BRD1: variants seen among roughly 807,000 people sequenced by gnomAD.
The protein encoded by BRD1 is bromodomain containing 1.
BRD1 carries 24 observed loss-of-function variants against 107.7 expected under a neutral mutation model. The ratio of observed to expected loss-of-function variants is 0.22; its 90% CI spans 0.16 to 0.31. The LOEUF is 0.31. Ranked by LOEUF, BRD1 falls within the 10% of genes least tolerant of loss-of-function variation. The probability of loss-of-function intolerance (pLI) is 1.00; values close to 1 mark genes in which losing one functional copy is unlikely to be tolerated. For missense variants in BRD1, 1,279 were observed against 1,638.6 expected (o/e 0.78, Z 3.79); for synonymous variants, 744 against 686.1 (o/e 1.08, Z -1.32).
chr22:49,798,822 T>C (rs2059585841), intron 4 of BRD1, 136 bp from the exon 5 acceptor site: 2 of 1,432,464 alleles, frequency 1.4e-6, no homozygotes, highest in Non-Finnish European at 1.8e-6. Context: ...AGCCTCCACT[T>C]AGGGCTCTGC....
At chr22:49,820,335 G>A (rs1000244750) in intron 2 of BRD1, among the ~76,000 whole-genome samples, 1 of 152,164 alleles carries the variant, frequency 6.6e-6, no homozygotes, top group African/African-American at 2.4e-5. Context: ...CTGGCCTGAA[G>A]CATAACATCC....
At chr22:49,826,637 A>G (rs1320822611) in intron 1 of BRD1, among the ~76,000 whole-genome samples, 2 of 152,226 alleles carry the variant, frequency 1.3e-5, no homozygotes, top group Admixed American at 6.5e-5. Flanking sequence ...TCAAGGCCAC[A>G]GGGGCCGCGG....
intron 6 of BRD1, among the ~76,000 whole-genome samples, chr22:49,795,324 G>A (rs2059510471): frequency 6.6e-6 from 1 of 152,230 alleles, no homozygotes. Context: ...GCCGTGCTGA[G>A]AAGAGCAGCA....
intron 3 of BRD1, among the ~76,000 whole-genome samples, chr22:49,800,809 G>C (rs2059626721): frequency 6.6e-6 from 1 of 152,258 alleles, no homozygotes; most frequent in Non-Finnish European, 1.5e-5. Context: ...AAGGACAGAA[G>C]TGAAGAAGCA....
rs145026874 is a variant in BRD1 at position 49,799,954 on chromosome 22, A to G, written c.1525-835T>C. 7.2e-3 allele frequency among the ~76,000 whole-genome samples: 1,090 copies of G among 152,280 alleles called. 13 individuals are homozygous for G. Among genetic ancestry groups the G allele is most frequent in the African/African-American group, 0.025 (1,040 of 41,562 alleles). On this transcript the variant is annotated intron_variant, in intron 3 of 12. Coordinates refer to ENST00000404760, the MANE Select transcript of BRD1 (RefSeq NM_001304808.3). Reference sequence around the variant, plus strand: ...CTACCTCAAAGGGGAGAGGAAGTCAACGAGGGAGTTGGCCTGAGTGGGCCC... The same window carrying G: ...CTACCTCAAAGGGGAGAGGAAGTCAGCGAGGGAGTTGGCCTGAGTGGGCCC...
chr22:49,776,164 G>C lies in BRD1; in HGVS notation c.3122-5C>G. Reference sequence around the variant, plus strand: ...ACATGCTGCTCTGGCCGACTTCTGCGGAGAGGGGCGTCAGCAGGACACAGG... The same window carrying C: ...ACATGCTGCTCTGGCCGACTTCTGCCGAGAGGGGCGTCAGCAGGACACAGG... On this transcript the variant is annotated splice_polypyrimidine_tract_variant and splice_region_variant and intron_variant, in intron 10 of 12. Coordinates refer to ENST00000404760, the MANE Select transcript of BRD1 (RefSeq NM_001304808.3). The C allele has an allele frequency of 6.2e-7, 1 of 1,602,326 alleles. No homozygotes were observed.
intron 8 of BRD1, among the ~76,000 whole-genome samples, chr22:49,780,115 C>T (rs1003749333): frequency 6.6e-6 from 1 of 152,150 alleles, no homozygotes; most frequent in Non-Finnish European, 1.5e-5. Flanking sequence ...GCGGCCTTCA[C>T]AAGACTGCCC....
intron 2 of BRD1, chr22:49,818,220 G>C (rs578111241): frequency 2.2e-5 from 26 of 1,190,038 alleles, no homozygotes; most frequent in Non-Finnish European, 2.5e-5. Context: ...ACAAAGCCTT[G>C]CCTATCTGAG....
chr22:49,794,275 G>A lies in BRD1; in HGVS notation c.2118C>T (p.Pro706=), dbSNP rs150570710. 7.5e-5 allele frequency: 121 copies of A among 1,611,828 alleles called. No homozygotes were observed. Among genetic ancestry groups the A allele is most frequent in the Non-Finnish European group, 9.6e-5 (113 of 1,178,714 alleles). ...CCAGGCCCAGGTGGGCTCTGTTGGC[G>A]GGGTCCAGCAACCTGTCCACTGAAC... ...SWEDVDRLLD[P]ANRAHLGLEE... The change falls in exon 7 of 13, where the codon CCC becomes CCT. Residue 706 remains proline, a synonymous_variant. Transcript: ENST00000404760.
chr22:49,792,445 G>C lies in BRD1; in HGVS notation c.2359+1589C>G, dbSNP rs553699556. 4.8e-4 allele frequency among the ~76,000 whole-genome samples: 73 copies of C among 152,322 alleles called. No individual in the cohort carries two copies. Among genetic ancestry groups the C allele is most frequent in the African/African-American group, 1.6e-3 (65 of 41,568 alleles). On this transcript the variant is annotated intron_variant, in intron 7 of 12. Coordinates refer to ENST00000404760, the MANE Select transcript of BRD1 (RefSeq NM_001304808.3). This position sits in a 1 kb window ranked among gnomAD's most constrained non-coding sequence, Gnocchi z 4.2. ...CAGCCTGGACTCCTGGGCACAATGG[G>C]GCGGCCCAGGGCCCGGACAGGTATG...
At chr22:49,787,061 G>A (rs1167470057) in intron 8 of BRD1, among the ~76,000 whole-genome samples, 1 of 152,072 alleles carries the variant, frequency 6.6e-6, no homozygotes, top group African/African-American at 2.4e-5. Flanking sequence ...CAGCCTGGGT[G>A]ACAAAGCAAG....
In BRD1 at chr22:49,783,107, C is replaced by G. The variant is rs928647314; in HGVS notation, c.2857+4283G>C. ...AGACAGAACCAAGGCCCAGGCCAGA[C>G]GCCTGCACGAGACCTGCTCTTGCTG... On this transcript the variant is annotated intron_variant, in intron 8 of 12. Coordinates refer to ENST00000404760, the MANE Select transcript of BRD1 (RefSeq NM_001304808.3). This position sits in a 1 kb window ranked among gnomAD's most constrained non-coding sequence, Gnocchi z 4.2. 8.0e-5 allele frequency among the ~76,000 whole-genome samples: 12 copies of G among 150,418 alleles called. No individual in the cohort carries two copies. The highest frequency in any genetic ancestry group is 2.9e-4 in the African/African-American group (12 of 40,742).
chr22:49,787,352 C>A, intron 8 of BRD1, 38 bp downstream of exon 8: 2 of 1,348,304 alleles, frequency 1.5e-6, no homozygotes, highest in South Asian at 1.2e-5. Flanking sequence ...AGGCACTGGT[C>A]GGCAAGGGCG....
At chr22:49,789,726 G>A (rs1468895303) in intron 7 of BRD1, among the ~76,000 whole-genome samples, 1 of 152,100 alleles carries the variant, frequency 6.6e-6, no homozygotes, top group Admixed American at 6.5e-5. Flanking sequence ...AACGGGCACC[G>A]TAAACCCCCA....
intron 8 of BRD1, among the ~76,000 whole-genome samples, chr22:49,784,525 G>A (rs547295610): frequency 6.6e-6 from 1 of 152,396 alleles, no homozygotes; most frequent in East Asian, 1.9e-4. Context: ...CGGCCCGCGG[G>A]CGACACGGGC....
chr22:49,827,337 C>T (rs2060157277), intron 1 of BRD1, among the ~76,000 whole-genome samples, 160 bp downstream of exon 1: 2 of 150,216 alleles, frequency 1.3e-5, no homozygotes, highest in Admixed American at 1.3e-4. Flanking sequence ...GCATCCCGGG[C>T]TCCCGGCCCG....
In BRD1 at chr22:49,824,555, A is replaced by G; in HGVS notation, c.-14-224T>C. The stretch of plus-strand genomic sequence containing the variant: ...CAGTAACAGGCAGAGAGGCAGCCTG[A>G]GGAGCCCTCCTGAGCACCTGCGTCC... On this transcript the variant is annotated intron_variant, in intron 1 of 12. Coordinates refer to ENST00000404760, the MANE Select transcript of BRD1 (RefSeq NM_001304808.3). This position sits in a 1 kb window ranked among gnomAD's most constrained non-coding sequence, Gnocchi z 5.9. 2 of 1,374,684 alleles carry G rather than the reference A, an allele frequency of 1.5e-6. No homozygotes were observed. The highest frequency in any genetic ancestry group is 1.9e-6 in the Non-Finnish European group (2 of 1,063,778). The allele number at this position is 1,374,684 out of a possible 1,614,324, so 85.2% of individuals were successfully genotyped here.
At position 49,823,316 on chromosome 22, in the gene BRD1, G is replaced by A. The variant is rs200706651; in HGVS notation, c.1002C>T (p.Gly334=). The change falls in exon 2 of 13, where the codon GGC becomes GGT. Residue 334 remains glycine (G), a synonymous_variant. Coordinates refer to ENST00000404760, the MANE Select transcript of BRD1 (RefSeq NM_001304808.3). ...TGTGGCACTGGATGCAGGCACCCAC[G>A]CCCTTCTGCTTACAGAGGTAGCATG... is the stretch of plus-strand genomic sequence containing the variant. ...KLTCYLCKQK[G]VGACIQCHKA... 343 of 1,614,146 alleles carry A rather than the reference G, an allele frequency of 2.1e-4. 5 individuals carry two copies. In the East Asian group the frequency reaches 5.9e-3, roughly 28 times the overall value.
In BRD1 at chr22:49,824,709, C is replaced by G; in HGVS notation, c.-14-378G>C. The stretch of plus-strand genomic sequence containing the variant: ...AGGACTTTCCCAGCATGCAGGCGGT[C>G]CCCCAGGAAGTCCACATACAGGGCT... On this transcript the variant is annotated intron_variant, in intron 1 of 12. Coordinates refer to ENST00000404760, the MANE Select transcript of BRD1 (RefSeq NM_001304808.3). This position sits in a 1 kb window ranked among gnomAD's most constrained non-coding sequence, Gnocchi z 5.9. 9.2e-7 allele frequency: 1 copy of G among 1,081,768 alleles called. No homozygotes were observed. The highest frequency in any genetic ancestry group is 1.1e-6 in the Non-Finnish European group (1 of 888,122). The allele number at this position is 1,081,768 out of a possible 1,614,324, so 67.0% of individuals were successfully genotyped here.
Sources: allele counts gnomAD v4.1 joint callset (sites outside exome capture counted in the v4.1 genomes callset), GRCh38; gene constraint gnomAD v4.1.1; non-coding constraint Gnocchi (gnomAD v3.1); transcripts MANE v1.5; gene names NCBI Gene and HGNC (gene_info 2026-07-23, HGNC 2026-07-21).